The following PCDH15 variants were observed in gnomAD, a reference collection of about 807,000 sequenced individuals.
The protein encoded by PCDH15 is protocadherin-15.
In PCDH15, 129 loss-of-function variants were observed where a neutral mutation model predicts 178.5. That is an observed-to-expected ratio of 0.72 (90% CI 0.63 to 0.84). The LOEUF (loss-of-function observed/expected upper bound fraction) is 0.84. PCDH15 is among the 40% of genes least tolerant of loss of function. The probability of loss-of-function intolerance (pLI) is 0.00; values close to 1 mark genes in which losing one functional copy is unlikely to be tolerated. For missense variants in PCDH15, 2,230 were observed against 2,099.9 expected (o/e 1.06, Z -1.21); for synonymous variants, 800 against 732.0 (o/e 1.09, Z -1.50).
At chr10:54,242,274 G>A (rs2055483166) in intron 8 of PCDH15, among the ~76,000 whole-genome samples, 1 of 146,168 alleles carries the variant, frequency 6.8e-6, no homozygotes, top group African/African-American at 2.5e-5. Context: ...CCTTTTTGTA[G>A]ATTTAATAAA....
rs185893899 is a variant in PCDH15, at chr10:53,819,853, C to T, written c.4433+312G>A. Among the ~76,000 whole-genome samples, 6 of 151,896 alleles carry T rather than the reference C, an allele frequency of 4.0e-5. No homozygotes were observed. The East Asian group carries it at 1.2e-3, about 29-fold the overall frequency. ...GTATCATAATGACATTAGGAATCTC[C>T]AAATACAATGTGTCAGAAAAAGACT... On this transcript the variant is annotated intron_variant, in intron 33 of 37. Transcript: ENST00000644397.
intron 20 of PCDH15, among the ~76,000 whole-genome samples, chr10:54,009,987 A>T (rs2092520996): frequency 6.6e-6 from 1 of 152,160 alleles, no homozygotes; most frequent in South Asian, 2.1e-4. Flanking sequence ...AAGGGGCCAA[A>T]TCCACGAGGC....
intron 1 of PCDH15, among the ~76,000 whole-genome samples, chr10:55,252,782 T>A (rs1026042422): frequency 1.3e-5 from 2 of 152,038 alleles, no homozygotes; most frequent in Admixed American, 6.6e-5. Flanking sequence ...AGGAGACTAA[T>A]TTAAGCTCAA....
chr10:55,041,177 A>G (rs975130514), intron 2 of PCDH15, among the ~76,000 whole-genome samples: 2 of 152,166 alleles, frequency 1.3e-5, no homozygotes, highest in Non-Finnish European at 1.5e-5. Context: ...TCTATTTTAC[A>G]TATCAGCTAT....
At chr10:55,462,506 A>C (rs927715958) in intron 2 of PCDH15, among the ~76,000 whole-genome samples, 5 of 152,152 alleles carry the variant, frequency 3.3e-5, no homozygotes, top group Non-Finnish European at 7.4e-5. Flanking sequence ...CAATGTTTCC[A>C]TTGTTGCTTT....
At chr10:53,871,722 CTTGTTTTGTTTTGTTTTGTTTTGTT>C (rs201361066) in intron 26 of PCDH15, among the ~76,000 whole-genome samples, 2 of 149,470 alleles carry the variant, frequency 1.3e-5, no homozygotes, top group East Asian at 4.0e-4. Context: ...GCTTCCAGTT[CTTGTTTTGTTTTGTTTTGTTTTGTT>C]TTGTTTTGTT....
chr10:54,352,966 A>C (rs1198953918), intron 5 of PCDH15, among the ~76,000 whole-genome samples: 1 of 152,134 alleles, frequency 6.6e-6, no homozygotes, highest in Non-Finnish European at 1.5e-5. Flanking sequence ...AGAAATGGTA[A>C]ATTTAGAAAT....
In PCDH15 at chr10:54,447,279, T is replaced by C. The variant is rs535097675; in HGVS notation, c.158-68337A>G. On this transcript the variant is annotated intron_variant, in intron 3 of 37. Transcript: ENST00000644397. ...ATCTACTCCATTGGCAATTTTCAAA[T>C]ATAAATGTATTGTTATTCACTGTAG... Among the ~76,000 whole-genome samples, 21 of 151,750 alleles carry C rather than the reference T, an allele frequency of 1.4e-4. No homozygotes were observed. In the South Asian group the frequency reaches 4.4e-3, roughly 31 times the overall value.
intron 25 of PCDH15, among the ~76,000 whole-genome samples, chr10:53,935,054 T>C (rs1157619593): frequency 6.6e-6 from 1 of 151,976 alleles, no homozygotes; most frequent in African/African-American, 2.4e-5. Context: ...ACAAAAATAC[T>C]GAACTCTAAA....
intron 2 of PCDH15, among the ~76,000 whole-genome samples, chr10:54,996,162 TA>T (rs2131923409): frequency 6.6e-6 from 1 of 152,260 alleles, no homozygotes; most frequent in African/African-American, 2.4e-5. Context: ...GAAACCCTCC[TA>T]AACAGTGGCT....
intron 1 of PCDH15, among the ~76,000 whole-genome samples, chr10:55,275,548 A>G (rs1348911521): frequency 6.6e-6 from 1 of 151,814 alleles, no homozygotes; most frequent in Non-Finnish European, 1.5e-5. Context: ...GATCTACACG[A>G]TCTCTATCAT....
In PCDH15 at chr10:54,818,945, G is replaced by C. The variant is rs1227993816; in HGVS notation, c.-29+78505C>G. Among the ~76,000 whole-genome samples, 3 of 151,748 alleles carry C rather than the reference G, an allele frequency of 2.0e-5. No individual in the cohort carries two copies. The East Asian group carries it at 5.8e-4, about 29-fold the overall frequency. Reference sequence around the variant, plus strand: ...TTTATTTTTATTTATTTATTTTAGAGACAGGGCGTCATTTTGTTGTGCAGA... The same window carrying C: ...TTTATTTTTATTTATTTATTTTAGACACAGGGCGTCATTTTGTTGTGCAGA... On this transcript the variant is annotated intron_variant, in intron 3 of 5. Coordinates refer to the PCDH15 transcript ENST00000458638.
intron 2 of PCDH15, among the ~76,000 whole-genome samples, chr10:54,549,261 T>G (rs1014814439): frequency 6.6e-6 from 1 of 151,732 alleles, no homozygotes; most frequent in African/African-American, 2.4e-5. Context: ...ATGCTTATTT[T>G]GTTGATTTTC....
chr10:55,179,063 T>C (rs901450231), intron 1 of PCDH15, among the ~76,000 whole-genome samples: 3 of 152,182 alleles, frequency 2.0e-5, no homozygotes, highest in Non-Finnish European at 4.4e-5. Flanking sequence ...ATATGGTTCA[T>C]GCATACTTAA....
At chr10:55,394,837 G>A (rs1425610137) in intron 2 of PCDH15, among the ~76,000 whole-genome samples, 1 of 151,970 alleles carries the variant, frequency 6.6e-6, no homozygotes, top group Non-Finnish European at 1.5e-5. Flanking sequence ...CTATACATGT[G>A]CTCATTTATC....
intron 3 of PCDH15, among the ~76,000 whole-genome samples, chr10:54,513,340 A>G (rs1470219902): frequency 6.6e-6 from 1 of 151,618 alleles, no homozygotes; most frequent in Admixed American, 6.6e-5. Flanking sequence ...GGCTCACTGC[A>G]AACTCTGCCT....
At chr10:55,214,142 A>G (rs1242641310) in intron 1 of PCDH15, among the ~76,000 whole-genome samples, 1 of 152,000 alleles carries the variant, frequency 6.6e-6, no homozygotes, top group Non-Finnish European at 1.5e-5. Flanking sequence ...TTTTAAAAAT[A>G]TGTTAGAACT....
intron 1 of PCDH15, among the ~76,000 whole-genome samples, chr10:54,772,258 A>G (rs1057460978): frequency 9.2e-5 from 14 of 152,194 alleles, no homozygotes; most frequent in African/African-American, 3.1e-4. Context: ...TTAATTTAGG[A>G]AGAGCCATTA....
intron 13 of PCDH15, among the ~76,000 whole-genome samples, chr10:54,161,902 C>T (rs1204066096): frequency 1.3e-5 from 2 of 152,060 alleles, no homozygotes; most frequent in African/African-American, 4.8e-5. Flanking sequence ...TCAGCTGCAG[C>T]ACCTGATTAA....
Sources: gnomAD v4.1 joint callset for allele counts (sites outside exome capture counted in the v4.1 genomes callset) on GRCh38, gnomAD v4.1.1 for gene constraint, MANE v1.5 for transcripts, NCBI Gene and HGNC (gene_info 2026-07-23, HGNC 2026-07-21) for gene names.